The following DCUN1D5 variants were observed in gnomAD, a reference collection of about 807,000 sequenced individuals.
DCUN1D5 encodes defective in cullin neddylation 1 domain containing 5.
In DCUN1D5, 10 loss-of-function variants were observed where a neutral mutation model predicts 38.3. The observed-to-expected ratio is 0.26, with a 90% confidence interval of 0.16 to 0.44. The LOEUF is 0.44. Among genes scored for constraint, DCUN1D5 ranks in the 20% least tolerant of loss-of-function variants. The pLI is 1.00. For missense variants in DCUN1D5, 148 were observed against 275.3 expected, an observed-to-expected ratio of 0.54 and a Z score of 3.27; for synonymous variants, 93 against 90.9, an observed-to-expected ratio of 1.02 and a Z score of -0.13.
At chr11:103,067,078 A>G (rs1044403887) in intron 4 of DCUN1D5, among the ~76,000 whole-genome samples, 2 of 152,200 alleles carry the variant, frequency 1.3e-5, no homozygotes, top group Admixed American at 6.5e-5. Context: ...CAAGATCCCT[A>G]TATTTTTGTG....
At position 103,065,723 on chromosome 11, in the gene DCUN1D5, G is replaced by T. The variant is rs112337355; in HGVS notation, c.555+546C>A. The stretch of plus-strand genomic sequence containing the variant: ...TATGATAAACCTTCTAAAAGAACAC[G>T]TCATCATTTCAGCTTACATTTTTTT... On this transcript the variant is annotated intron_variant, in intron 6 of 7. Coordinates refer to ENST00000260247, the MANE Select transcript of DCUN1D5 (RefSeq NM_032299.4). This position sits in a 1 kb window ranked among gnomAD's most constrained non-coding sequence, Gnocchi z 4.6. 2.0e-5 allele frequency among the ~76,000 whole-genome samples: 3 copies of T among 151,726 alleles called. No individual in the cohort carries two copies. The highest frequency in any genetic ancestry group is 2.9e-5 in the Non-Finnish European group (2 of 67,976).
At chr11:103,082,722 AT>A in intron 4 of DCUN1D5, 25 bp downstream of exon 4, 1 of 1,479,986 alleles carries the variant, frequency 6.8e-7, no homozygotes, top group Non-Finnish European at 9.4e-7. Flanking sequence ...AGGCCATCAA[AT>A]TTGTTTTTTA....
At chr11:103,072,639 T>C (rs1485055484) in intron 4 of DCUN1D5, among the ~76,000 whole-genome samples, 1 of 151,892 alleles carries the variant, frequency 6.6e-6, no homozygotes, top group Non-Finnish European at 1.5e-5. Context: ...GAAACCATCA[T>C]TCTGAGCAAA....
intron 4 of DCUN1D5, among the ~76,000 whole-genome samples, chr11:103,082,434 G>A (rs1417966568): frequency 1.3e-5 from 2 of 152,076 alleles, no homozygotes; most frequent in Non-Finnish European, 2.9e-5. Context: ...TGTATTGAGA[G>A]AGGAAAATCC....
At chr11:103,082,050 A>G (rs1172399774) in intron 4 of DCUN1D5, among the ~76,000 whole-genome samples, 2 of 152,154 alleles carry the variant, frequency 1.3e-5, no homozygotes, top group Non-Finnish European at 2.9e-5. Context: ...AATACCCTGC[A>G]GAAACACTAG....
Position 103,064,414 on chromosome 11 carries a change from TAAAC to T in DCUN1D5, c.556-41_556-38del. On this transcript the variant is annotated intron_variant, in intron 6 of 7. Coordinates refer to ENST00000260247, the MANE Select transcript of DCUN1D5 (RefSeq NM_032299.4). This position sits in a 1 kb window ranked among gnomAD's most constrained non-coding sequence, Gnocchi z 4.5. ...ATTTAAATATTTGTATTTAAATATTTAAACAAACATCATTTACTCAATTTAGTAA... is the reference window on the plus strand; with the variant it reads ...ATTTAAATATTTGTATTTAAATATTTAAACATCATTTACTCAATTTAGTAA... 1.4e-6 allele frequency: 2 copies of T among 1,466,924 alleles called. No individual in the cohort carries two copies. Among genetic ancestry groups the T allele is most frequent in the Non-Finnish European group, 1.9e-6 (2 of 1,077,598 alleles). 90.9% of individuals were successfully genotyped at this position (1,466,924 alleles called of 1,614,324 possible). A position where few individuals can be genotyped will look rare whatever the true frequency, so the allele number is the denominator to read the frequency against.
chr11:103,084,977 C>T (rs1012901115), intron 2 of DCUN1D5, among the ~76,000 whole-genome samples: 4 of 151,274 alleles, frequency 2.6e-5, no homozygotes, highest in Non-Finnish European at 4.4e-5. Flanking sequence ...AGAGCAAGGC[C>T]CTGTCTCAAA....
chr11:103,076,455 A>T (rs755434154), intron 4 of DCUN1D5, among the ~76,000 whole-genome samples: 1 of 152,236 alleles, frequency 6.6e-6, no homozygotes, highest in Non-Finnish European at 1.5e-5. Context: ...CAAAGTTACT[A>T]TCTTACTTAT....
intron 4 of DCUN1D5, among the ~76,000 whole-genome samples, chr11:103,082,172 T>G (rs1862580615): frequency 6.6e-6 from 1 of 152,088 alleles, no homozygotes; most frequent in Non-Finnish European, 1.5e-5. Context: ...ATTCTATAAC[T>G]TATGAAAATG....
chr11:103,083,204 C>A lies in DCUN1D5; in HGVS notation c.249+52G>T, dbSNP rs575438689. The A allele has an allele frequency of 3.5e-6, 3 of 845,566 alleles. No individual in the cohort carries two copies. The highest frequency in any genetic ancestry group is 1.5e-5 in the South Asian group (1 of 66,520). 52.4% of individuals were successfully genotyped at this position (845,566 alleles called of 1,614,324 possible). ...AAGTGTCTCGATTTTTAGTAATTTACGAATATGCTATACCCCACTTATATG... is the reference window on the plus strand; with the variant it reads ...AAGTGTCTCGATTTTTAGTAATTTAAGAATATGCTATACCCCACTTATATG... On this transcript the variant is annotated intron_variant, in intron 3 of 7. Transcript: ENST00000260247. This position sits in a 1 kb window ranked among gnomAD's most constrained non-coding sequence, Gnocchi z 4.4.
Position 103,086,703 on chromosome 11 carries a change from T to C in DCUN1D5, c.178+2524A>G, listed in dbSNP as rs892376908. ...ATCTTGTCTGACTTGCTCAGCACTATATATCCAGCACTCAGCACAGTGCCT... is the reference window on the plus strand; with the variant it reads ...ATCTTGTCTGACTTGCTCAGCACTACATATCCAGCACTCAGCACAGTGCCT... On this transcript the variant is annotated intron_variant, in intron 2 of 7. Coordinates refer to ENST00000260247, the MANE Select transcript of DCUN1D5 (RefSeq NM_032299.4). The surrounding 1 kb of genome is among the most constrained non-coding windows in gnomAD (Gnocchi z 4.1). Among the ~76,000 whole-genome samples the C allele has an allele frequency of 1.3e-5, 2 of 152,202 alleles. No individual in the cohort carries two copies. The highest frequency in any genetic ancestry group is 2.4e-5 in the African/African-American group (1 of 41,460).
chr11:103,060,587 C>T lies in DCUN1D5; in HGVS notation c.*1772G>A, dbSNP rs959847866. Reference sequence around the variant, plus strand: ...CAATCTCCTGCGTATACCAAGGATGCCTGTGCTTTCATAAATATACCTTTT... The same window carrying T: ...CAATCTCCTGCGTATACCAAGGATGTCTGTGCTTTCATAAATATACCTTTT... On this transcript the variant is annotated 3_prime_UTR_variant, in exon 8 of 8. Transcript: ENST00000260247. 1.3e-5 allele frequency among the ~76,000 whole-genome samples: 2 copies of T among 152,030 alleles called. No individual in the cohort carries two copies. The highest frequency in any genetic ancestry group is 4.8e-5 in the African/African-American group (2 of 41,394).
Position 103,065,423 on chromosome 11 carries a change from C to G in DCUN1D5, c.555+846G>C, listed in dbSNP as rs1862111279. On this transcript the variant is annotated intron_variant, in intron 6 of 7. Coordinates refer to ENST00000260247, the MANE Select transcript of DCUN1D5 (RefSeq NM_032299.4). This position sits in a 1 kb window ranked among gnomAD's most constrained non-coding sequence, Gnocchi z 4.6. ...CTGCCTGCCTTGGCCTCCCAACGTG[C>G]TGGGATTACAGGCGTGTGCCACCAC... is the stretch of plus-strand genomic sequence containing the variant. Among the ~76,000 whole-genome samples, 1 of 152,194 alleles carries G rather than the reference C, an allele frequency of 6.6e-6. No homozygotes were observed. Among genetic ancestry groups the G allele is most frequent in the South Asian group, 2.1e-4 (1 of 4,832 alleles).
At position 103,087,240 on chromosome 11, in the gene DCUN1D5, G is replaced by A. The variant is rs575324101; in HGVS notation, c.178+1987C>T. ...GGCTGGAGTGCAGTGGTGTTATCTC[G>A]GCTCACTGTGAGCTCCGCCTCCTGG... is the stretch of plus-strand genomic sequence containing the variant. On this transcript the variant is annotated intron_variant, in intron 2 of 7. Transcript: ENST00000260247. The surrounding 1 kb of genome is among the most constrained non-coding windows in gnomAD (Gnocchi z 4.1). Among the ~76,000 whole-genome samples the A allele has an allele frequency of 4.0e-5, 6 of 149,088 alleles. No individual in the cohort carries two copies. Among genetic ancestry groups the A allele is most frequent in the South Asian group, 4.2e-4 (2 of 4,726 alleles).
intron 4 of DCUN1D5, among the ~76,000 whole-genome samples, chr11:103,070,964 A>T (rs1360950345): frequency 3.9e-5 from 6 of 152,204 alleles, no homozygotes; most frequent in Admixed American, 3.9e-4. Flanking sequence ...AAACACCTAA[A>T]TAATCTATGG....
Position 103,051,199 on chromosome 11 carries a change from C to G in DCUN1D5, c.*11160G>C, listed in dbSNP as rs1475027903. 6.6e-6 allele frequency: 1 copy of G among 152,116 alleles called. No homozygotes were observed. Among genetic ancestry groups the G allele is most frequent in the Non-Finnish European group, 1.5e-5 (1 of 68,030 alleles). 9.4% of individuals were successfully genotyped at this position (152,116 alleles called of 1,614,324 possible). ...AATTATTTTGTAACATTGGACTAGT[C>G]AACATACCATCTTATGACCAAATTT... is the stretch of plus-strand genomic sequence containing the variant. On this transcript the variant is annotated 3_prime_UTR_variant, in exon 8 of 8. Transcript: ENST00000260247.
chr11:103,088,337 A>G (rs1862765657), intron 2 of DCUN1D5, among the ~76,000 whole-genome samples: 1 of 152,236 alleles, frequency 6.6e-6, no homozygotes, highest in Non-Finnish European at 1.5e-5. Flanking sequence ...AAAAAAAAGG[A>G]AAAGGAAAAG....
chr11:103,090,029 G>A (rs2134640843), intron 1 of DCUN1D5, among the ~76,000 whole-genome samples: 1 of 152,092 alleles, frequency 6.6e-6, no homozygotes, highest in Admixed American at 6.5e-5. Context: ...ATGGCCTTCA[G>A]AGAAACTTTT....
chr11:103,080,965 C>T (rs1027096755), intron 4 of DCUN1D5, among the ~76,000 whole-genome samples: 9 of 151,324 alleles, frequency 5.9e-5, no homozygotes, highest in African/African-American at 1.7e-4. Context: ...GCCAAGATCG[C>T]GCCACTGTAC....
Sources: gnomAD v4.1 joint callset for allele counts (sites outside exome capture counted in the v4.1 genomes callset) on GRCh38, gnomAD v4.1.1 for gene constraint, Gnocchi (gnomAD v3.1) non-coding constraint, MANE v1.5 for transcripts, NCBI Gene and HGNC (gene_info 2026-07-23, HGNC 2026-07-21) for gene names.